PPP2R3A: variants seen among roughly 807,000 people sequenced by gnomAD.
The protein encoded by PPP2R3A is serine/threonine-protein phosphatase 2A regulatory subunit B'' subunit alpha.
In PPP2R3A, 80 loss-of-function variants were observed where a neutral mutation model predicts 106.9. That is an observed-to-expected ratio of 0.75 (90% confidence interval 0.62 to 0.90). The LOEUF (loss-of-function observed/expected upper bound fraction) is 0.90. Ranked by LOEUF, PPP2R3A falls within the 40% of genes least tolerant of loss-of-function variation. The probability of loss-of-function intolerance (pLI) is 0.00; values close to 1 mark genes in which losing one functional copy is unlikely to be tolerated. For synonymous variants in PPP2R3A, 483 were observed against 468.3 expected (o/e 1.03, Z -0.41); for missense variants, 1,386 against 1,350.4 (o/e 1.03, Z -0.41).
intron 2 of PPP2R3A, among the ~76,000 whole-genome samples, chr3:136,016,463 G>A (rs1934270924): frequency 6.6e-6 from 1 of 152,050 alleles, no homozygotes; most frequent in African/African-American, 2.4e-5. Context: ...TCCTTTCTTA[G>A]GTCTAGTAGT....
chr3:136,027,016 A>G lies in PPP2R3A; in HGVS notation c.2180A>G (p.Gln727Arg). ...CCAGATACCTGTAGTAATCATGAAC[A>G]AACTCTAAGCAGAATTGAAACTGCT... Reference protein sequence around the residue: ...GLPDTCSNHEQTLSRIETAFM... With the variant: ...GLPDTCSNHERTLSRIETAFM... Residue 727 changes from glutamine to arginine, a missense_variant, in exon 3 of 14, where the codon CAA becomes CGA. Transcript: ENST00000264977. 6.2e-7 allele frequency: 1 copy of G among 1,612,858 alleles called. No homozygotes were observed. The highest frequency in any genetic ancestry group is 8.5e-7 in the Non-Finnish European group (1 of 1,178,888).
intron 13 of PPP2R3A, among the ~76,000 whole-genome samples, chr3:136,108,608 T>C (rs182017506): frequency 1.6e-4 from 24 of 151,964 alleles, no homozygotes; most frequent in Admixed American, 1.1e-3. Context: ...TCACGCCATA[T>C]CCAGGAAATA....
At chr3:136,073,604 A>T (rs1936508507) in intron 6 of PPP2R3A, among the ~76,000 whole-genome samples, 1 of 152,250 alleles carries the variant, frequency 6.6e-6, no homozygotes, top group Non-Finnish European at 1.5e-5. Context: ...GCACCATAAC[A>T]TAAATAGTAA....
chr3:136,075,349 A>C (rs1298386788), intron 6 of PPP2R3A, among the ~76,000 whole-genome samples: 1 of 152,220 alleles, frequency 6.6e-6, no homozygotes, highest in Non-Finnish European at 1.5e-5. Flanking sequence ...TACCTAGAAG[A>C]GAGCAGTTAG....
intron 8 of PPP2R3A, among the ~76,000 whole-genome samples, chr3:136,086,212 G>A (rs991736917): frequency 3.3e-5 from 5 of 150,388 alleles, no homozygotes; most frequent in African/African-American, 4.9e-5. Context: ...GGCCAGGCGC[G>A]GTGGCTCACG....
chr3:136,070,154 CAAT>C (rs1319875945), intron 5 of PPP2R3A, among the ~76,000 whole-genome samples: 1 of 152,164 alleles, frequency 6.6e-6, no homozygotes, highest in African/African-American at 2.4e-5. Flanking sequence ...AATACCTCGA[CAAT>C]AATCTGTGGG....
At chr3:136,033,255 A>G (rs547016516) in intron 3 of PPP2R3A, among the ~76,000 whole-genome samples, 11 of 152,194 alleles carry the variant, frequency 7.2e-5, no homozygotes, top group African/African-American at 2.6e-4. Flanking sequence ...TATCTGTTTG[A>G]TATGTTGTTA....
intron 12 of PPP2R3A, among the ~76,000 whole-genome samples, chr3:136,105,242 G>T (rs1286915936): frequency 6.6e-6 from 1 of 152,206 alleles, no homozygotes; most frequent in African/African-American, 2.4e-5. Flanking sequence ...TTTCAGGCGG[G>T]CCTGTGGCAA....
rs141011309 is a variant in PPP2R3A at position 136,040,901 on chromosome 3, G to T, written c.2305G>T (p.Ala769Ser). ...CTATTGGAAAGCCCCCATGTTCAGG[G>T]CTGCAGGGGGAGAGAAGACAGGATT... ...PLYWKAPMFRAAGGEKTGFVT... is the reference protein window; with the variant it reads ...PLYWKAPMFRSAGGEKTGFVT... The change falls in exon 4 of 14, where the codon GCT becomes TCT. Residue 769 changes from alanine to serine, a missense_variant. By Grantham distance (99) the Ala-to-Ser change is moderately conservative. Transcript: ENST00000264977. The T allele has an allele frequency of 3.1e-6, 5 of 1,613,468 alleles. No individual in the cohort carries two copies. In the African/African-American group the frequency reaches 6.7e-5, roughly 22 times the overall value.
intron 13 of PPP2R3A, among the ~76,000 whole-genome samples, chr3:136,142,237 G>A (rs1396178589): frequency 1.3e-5 from 2 of 152,104 alleles, no homozygotes; most frequent in African/African-American, 4.8e-5. Flanking sequence ...TAATTTTATT[G>A]TGAGACATAC....
Position 136,070,558 on chromosome 3 carries a change from C to T in PPP2R3A, c.2544+6C>T. The T allele has an allele frequency of 6.3e-7, 1 of 1,599,712 alleles. No individual in the cohort carries two copies. The highest frequency in any genetic ancestry group is 8.5e-7 in the Non-Finnish European group (1 of 1,173,978). On this transcript the variant is annotated splice_donor_region_variant and intron_variant, in intron 6 of 13. Transcript: ENST00000264977. ...ACTCCCGCTACATCACCACGGTAGGCTGAGTCATCTTTTTTCTTAATATAA... is the reference window on the plus strand; with the variant it reads ...ACTCCCGCTACATCACCACGGTAGGTTGAGTCATCTTTTTTCTTAATATAA...
chr3:136,090,094 C>A (rs908738945), intron 9 of PPP2R3A, among the ~76,000 whole-genome samples: 3 of 152,074 alleles, frequency 2.0e-5, no homozygotes, highest in Admixed American at 1.3e-4. Flanking sequence ...TGTTTTATTT[C>A]TTTCTCTTGC....
At chr3:136,100,237 C>G (rs1350800517) in intron 10 of PPP2R3A, among the ~76,000 whole-genome samples, 1 of 152,040 alleles carries the variant, frequency 6.6e-6, no homozygotes, top group East Asian at 1.9e-4. Context: ...AGGCCAGGCG[C>G]AGGAGCTCAC....
intron 1 of PPP2R3A, among the ~76,000 whole-genome samples, chr3:135,982,642 ACT>A (rs896589841): frequency 6.6e-6 from 1 of 151,924 alleles, no homozygotes; most frequent in African/African-American, 2.4e-5. Context: ...CAAATTCCTG[ACT>A]CTGTGGTCAA....
chr3:136,024,988 G>T (rs561915351), intron 2 of PPP2R3A, among the ~76,000 whole-genome samples: 1 of 152,120 alleles, frequency 6.6e-6, no homozygotes, highest in Non-Finnish European at 1.5e-5. Context: ...ACTCAAAAGT[G>T]GTTTGTAAAC....
intron 1 of PPP2R3A, among the ~76,000 whole-genome samples, chr3:135,984,880 G>A (rs1424742676): frequency 6.6e-6 from 1 of 152,166 alleles, no homozygotes; most frequent in Non-Finnish European, 1.5e-5. Context: ...GGAGGAGCAA[G>A]TCACATCTTT....
At chr3:136,094,344 A>G (rs947206403) in intron 10 of PPP2R3A, among the ~76,000 whole-genome samples, 1 of 152,214 alleles carries the variant, frequency 6.6e-6, no homozygotes, top group East Asian at 1.9e-4. Flanking sequence ...TGAATTGTAC[A>G]TTTTAAAAGG....
In PPP2R3A at chr3:136,145,325, A is replaced by G; in HGVS notation, c.*159A>G. The G allele has an allele frequency of 1.1e-6, 1 of 915,390 alleles. No homozygotes were observed. The highest frequency in any genetic ancestry group is 1.5e-6 in the Non-Finnish European group (1 of 660,974). The allele number at this position is 915,390 out of a possible 1,614,324, so 56.7% of individuals were successfully genotyped here. A position where few individuals can be genotyped will look rare whatever the true frequency, so the allele number is the denominator to read the frequency against. ...GTTTTTAAGCAATAGGTCTGGATACACATTTAACTTAGGAGGCTCCTCCAA... is the reference window on the plus strand; with the variant it reads ...GTTTTTAAGCAATAGGTCTGGATACGCATTTAACTTAGGAGGCTCCTCCAA... On this transcript the variant is annotated 3_prime_UTR_variant, in exon 14 of 14. Coordinates refer to ENST00000264977, the MANE Select transcript of PPP2R3A (RefSeq NM_002718.5).
intron 2 of PPP2R3A, chr3:136,023,303 A>C: frequency 1.0e-6 from 1 of 962,546 alleles, no homozygotes; most frequent in Non-Finnish European, 1.5e-6. Context: ...AAGTAATTTT[A>C]CAGCTCCCTT....
Sources: allele counts gnomAD v4.1 joint callset (sites outside exome capture counted in the v4.1 genomes callset), GRCh38; gene constraint gnomAD v4.1.1; transcripts MANE v1.5; gene names NCBI Gene and HGNC (gene_info 2026-07-23, HGNC 2026-07-21).